The following TYR variants were observed in gnomAD, a reference collection of about 807,000 sequenced individuals.
TYR encodes LB24-AB.
TYR carries 58 observed loss-of-function variants against 51.5 expected under a neutral mutation model. That is an observed-to-expected ratio of 1.13 (90% confidence interval 0.91 to 1.40). TYR has a LOEUF of 1.40. TYR is among the 40% of genes most tolerant of loss of function. The pLI is 0.00. For missense variants in TYR, 732 were observed against 647.4 expected (o/e 1.13, Z -1.42); for synonymous variants, 263 against 235.2 (o/e 1.12, Z -1.08).
At chr11:89,219,421 C>T (rs535312312) in intron 2 of TYR, among the ~76,000 whole-genome samples, 34 of 151,582 alleles carry the variant, frequency 2.2e-4, no homozygotes, top group Non-Finnish European at 3.5e-4. Context: ...CTCAGCCTCT[C>T]GAGTAGCTGG....
intron 2 of TYR, chr11:89,192,059 G>A: frequency 2.2e-6 from 1 of 449,012 alleles, no homozygotes; most frequent in African/African-American, 2.0e-5. Flanking sequence ...ACTGTAATAA[G>A]GACACAGCAC....
intron 1 of TYR, among the ~76,000 whole-genome samples, chr11:89,179,230 T>A (rs1371050747): frequency 6.6e-6 from 1 of 152,178 alleles, no homozygotes; most frequent in Non-Finnish European, 1.5e-5. Context: ...CCTGGCCTTA[T>A]CCCAGACTAA....
intron 2 of TYR, among the ~76,000 whole-genome samples, chr11:89,198,769 A>ATATATATATATATATTTTT (rs951676764): frequency 1.3e-5 from 2 of 151,014 alleles, no homozygotes; most frequent in African/African-American, 4.9e-5. Flanking sequence ...ATATATATAT[A>ATATATATATATATATTTTT]TTTTTATACT....
intron 3 of TYR, among the ~76,000 whole-genome samples, chr11:89,271,953 A>G (rs1385185063): frequency 6.6e-6 from 1 of 151,836 alleles, no homozygotes; most frequent in Non-Finnish European, 1.5e-5. Flanking sequence ...ATTTGTTTCC[A>G]TCTTCAGGGT....
chr11:89,281,677 A>C (rs965162336), intron 3 of TYR, among the ~76,000 whole-genome samples: 2 of 151,784 alleles, frequency 1.3e-5, no homozygotes. Context: ...TCATGGGTCC[A>C]AGAAAATTTG....
chr11:89,178,299 C>A lies in TYR; in HGVS notation c.346C>A (p.Arg116=), dbSNP rs61753256. 1.2e-6 allele frequency: 2 copies of A among 1,614,114 alleles called. No homozygotes were observed. The highest frequency in any genetic ancestry group is 8.5e-7 in the Non-Finnish European group (1 of 1,180,028). ...TTGGGGACCAAACTGCACAGAGAGACGACTCTTGGTGAGAAGAAACATCTT... is the reference window on the plus strand; with the variant it reads ...TTGGGGACCAAACTGCACAGAGAGAAGACTCTTGGTGAGAAGAAACATCTT... ...GFWGPNCTER[R]LLVRRNIFDL... Residue 116 remains arginine, a synonymous_variant, in exon 1 of 5, where the codon CGA becomes AGA. Transcript: ENST00000263321.
At chr11:89,253,132 C>T (rs1448425721) in intron 3 of TYR, among the ~76,000 whole-genome samples, 1 of 151,704 alleles carries the variant, frequency 6.6e-6, no homozygotes, top group Non-Finnish European at 1.5e-5. Flanking sequence ...TTCTTATGCT[C>T]TCTTTCTGTA....
intron 2 of TYR, among the ~76,000 whole-genome samples, chr11:89,202,061 T>C (rs1236496061): frequency 6.6e-6 from 1 of 150,756 alleles, no homozygotes; most frequent in Non-Finnish European, 1.5e-5. Context: ...TGACCTCCAG[T>C]GAGCCACAGT....
chr11:89,257,768 A>G (rs1232343409), intron 3 of TYR, among the ~76,000 whole-genome samples: 2 of 152,058 alleles, frequency 1.3e-5, no homozygotes, highest in South Asian at 2.1e-4. Context: ...CAGCTGGCCA[A>G]CGCTCTCTAC....
At chr11:89,222,595 C>T (rs1471454755) in intron 2 of TYR, among the ~76,000 whole-genome samples, 1 of 152,042 alleles carries the variant, frequency 6.6e-6, no homozygotes, top group Non-Finnish European at 1.5e-5. Context: ...AAAAATTAGC[C>T]AGGCATGCTG....
At chr11:89,253,810 C>T (rs553789746) in intron 3 of TYR, among the ~76,000 whole-genome samples, 2 of 151,790 alleles carry the variant, frequency 1.3e-5, no homozygotes, top group Admixed American at 6.6e-5. Context: ...ATTTGTATGC[C>T]CTTTATTTAT....
intron 2 of TYR, among the ~76,000 whole-genome samples, chr11:89,200,980 A>G (rs1943590891): frequency 6.6e-6 from 1 of 152,174 alleles, no homozygotes; most frequent in African/African-American, 2.4e-5. Context: ...ATCATGAATG[A>G]GTATTTTACC....
At chr11:89,256,717 G>C (rs1944395879) in intron 3 of TYR, among the ~76,000 whole-genome samples, 1 of 151,948 alleles carries the variant, frequency 6.6e-6, no homozygotes, top group Middle Eastern at 3.4e-3. Context: ...AGAGATATTA[G>C]AATCTAATAG....
intron 1 of TYR, 39 bp from the exon 2 acceptor site, chr11:89,191,163 G>C: frequency 6.3e-7 from 1 of 1,587,176 alleles, no homozygotes; most frequent in Non-Finnish European, 8.7e-7. Context: ...TGACTCAGTG[G>C]TGGTGACAAT....
intron 3 of TYR, among the ~76,000 whole-genome samples, chr11:89,235,983 A>T (rs1009196910): frequency 3.3e-5 from 5 of 152,132 alleles, no homozygotes; most frequent in Non-Finnish European, 4.4e-5. Context: ...TAAAATTTTT[A>T]AAAGTGTCAA....
At chr11:89,289,725 T>C (rs1431141868) in intron 4 of TYR, among the ~76,000 whole-genome samples, 2 of 151,870 alleles carry the variant, frequency 1.3e-5, no homozygotes, top group Non-Finnish European at 2.9e-5. Flanking sequence ...GCTTGAAAAA[T>C]AAGACATATA....
chr11:89,212,122 A>G (rs1450652844), intron 2 of TYR, among the ~76,000 whole-genome samples: 2 of 152,212 alleles, frequency 1.3e-5, no homozygotes, highest in African/African-American at 2.4e-5. Context: ...CAGAGACAAG[A>G]AAATCCCTTC....
chr11:89,277,261 A>T (rs1352411735), intron 3 of TYR, among the ~76,000 whole-genome samples: 1 of 151,780 alleles, frequency 6.6e-6, no homozygotes, highest in East Asian at 1.9e-4. Context: ...AAAGAAAAAA[A>T]ATTTAGGAAT....
chr11:89,182,566 G>C (rs1018891629), intron 1 of TYR, among the ~76,000 whole-genome samples: 1 of 152,098 alleles, frequency 6.6e-6, no homozygotes, highest in East Asian at 1.9e-4. Context: ...AATATTTATT[G>C]GTCAGAGTTT....
Sources: gnomAD v4.1 joint callset for allele counts (sites outside exome capture counted in the v4.1 genomes callset) on GRCh38, gnomAD v4.1.1 for gene constraint, MANE v1.5 for transcripts, NCBI Gene and HGNC (gene_info 2026-07-23, HGNC 2026-07-21) for gene names.